PRKDC: variants seen among roughly 807,000 people sequenced by gnomAD.
The protein encoded by PRKDC is protein kinase, DNA-activated, catalytic subunit, also known as DNA-dependent protein kinase catalytic subunit.
Under a neutral mutation model 486.9 loss-of-function variants are expected in PRKDC, and 82 were observed. The ratio of observed to expected loss-of-function variants is 0.17; its 90% CI spans 0.14 to 0.20. The LOEUF is 0.20. Among genes scored for constraint, PRKDC ranks in the 10% least tolerant of loss-of-function variants. The probability of loss-of-function intolerance (pLI) is 1.00; values close to 1 mark genes in which losing one functional copy is unlikely to be tolerated. For synonymous variants in PRKDC, 1,895 were observed against 1,837.0 expected (o/e 1.03, Z -0.81); for missense variants, 4,504 against 5,038.2 (o/e 0.89, Z 3.21).
Position 47,960,105 on chromosome 8 carries a change from C to A in PRKDC, c.22G>T (p.Val8Leu). The change falls in exon 1 of 86, where the codon GTG becomes TTG. Residue 8 changes from valine (V) to leucine (L), a missense_variant. Around this residue, in one of 6 missense-constraint regions of PRKDC, gnomAD observed 145 missense variants for 136.3 expected, o/e 1.06. Coordinates refer to ENST00000314191, the MANE Select transcript of PRKDC (RefSeq NM_006904.7). ...TGCAGCCGCAGCAGGGAGCAACGCA[C>A]ACCGGCTCCGGAGCCCGCCATGCCG... is the stretch of plus-strand genomic sequence containing the variant. MAGSGAG[V>L]RCSLLRLQET... 6.6e-7 allele frequency: 1 copy of A among 1,511,796 alleles called. No individual in the cohort carries two copies. Among genetic ancestry groups the A allele is most frequent in the Non-Finnish European group, 8.8e-7 (1 of 1,134,690 alleles). The allele number at this position is 1,511,796 out of a possible 1,614,324, so 93.6% of individuals were successfully genotyped here. A position where few individuals can be genotyped will look rare whatever the true frequency, so the allele number is the denominator to read the frequency against.
chr8:47,930,161 T>C (rs896899951), intron 17 of PRKDC, 149 bp from the exon 18 acceptor site: 6 of 621,628 alleles, frequency 9.7e-6, no homozygotes, highest in Non-Finnish European at 1.6e-5. Flanking sequence ...ATAATCCATT[T>C]TTCTCTACCT....
At chr8:47,781,603 A>C (rs1296877405) in intron 80 of PRKDC, among the ~76,000 whole-genome samples, 2 of 152,204 alleles carry the variant, frequency 1.3e-5, no homozygotes, top group Non-Finnish European at 1.5e-5. Flanking sequence ...AATAAAAAAA[A>C]CCTTGTGGTT....
chr8:47,901,103 C>G (rs1276704518), intron 27 of PRKDC, among the ~76,000 whole-genome samples: 1 of 151,218 alleles, frequency 6.6e-6, no homozygotes, highest in Non-Finnish European at 1.5e-5. Context: ...GAGTCATGAT[C>G]CCCCCACTGC....
chr8:47,834,253 C>G lies in PRKDC; in HGVS notation c.8095G>C (p.Asp2699His), dbSNP rs1437212798. The G allele has an allele frequency of 1.2e-6, 2 of 1,614,012 alleles. No individual in the cohort carries two copies. Among genetic ancestry groups the G allele is most frequent in the Non-Finnish European group, 1.7e-6 (2 of 1,179,884 alleles). The change falls in exon 59 of 86, where the codon GAT (aspartate) becomes CAT (histidine). Residue 2699 changes from aspartate (D) to histidine (H), a missense_variant. Coordinates refer to ENST00000314191, the MANE Select transcript of PRKDC (RefSeq NM_006904.7). The part of the protein sequence containing the change: ...QRAPLKSVGP[D>H]FGKKRLGLPG... ...AGGCCCAGCCTTTTTTTCCCAAAAT[C>G]AGGCCCCACTGACTTCAAGGGTGCT...
In PRKDC at chr8:47,821,709, G is replaced by T. The variant is rs1009927021; in HGVS notation, c.9006C>A (p.Tyr3002Ter). The T allele has an allele frequency of 6.2e-7, 1 of 1,600,902 alleles. No homozygotes were observed. Among genetic ancestry groups the T allele is most frequent in the Non-Finnish European group, 8.5e-7 (1 of 1,173,148 alleles). Residue 3002 changes from tyrosine (Y) to a stop codon, truncating the protein, a stop_gained, in exon 65 of 86, where the codon TAC (tyrosine) becomes TAA (stop). Transcript: ENST00000314191. LOFTEE classifies it high-confidence loss of function. ...DFWELASLDC[Y>*]NHLAEWKSLE... ...GTGATTTCCACTCAGCAAGGTGGTT[G>T]TAACAGTCAAGGGATGCAAGTTCCC...
intron 10 of PRKDC, among the ~76,000 whole-genome samples, chr8:47,940,602 TA>T (rs2090428119): frequency 6.6e-6 from 1 of 152,254 alleles, no homozygotes; most frequent in Non-Finnish European, 1.5e-5. Context: ...AAACATATCA[TA>T]AATGTTTCTC....
At chr8:47,957,035 T>C in intron 3 of PRKDC, 136 bp downstream of exon 3, 1 of 420,054 alleles carries the variant, frequency 2.4e-6, no homozygotes. Flanking sequence ...TGTAACACAA[T>C]GAAGCAGAAA....
At chr8:47,857,664 C>A (rs1364028322) in intron 48 of PRKDC, among the ~76,000 whole-genome samples, 1 of 152,120 alleles carries the variant, frequency 6.6e-6, no homozygotes, top group Non-Finnish European at 1.5e-5. Flanking sequence ...TGATCTCAGG[C>A]CACGGCTGTC....
intron 23 of PRKDC, 111 bp from the exon 24 acceptor site, chr8:47,914,175 G>A (rs1208695663): frequency 2.2e-6 from 2 of 899,446 alleles, no homozygotes; most frequent in East Asian, 3.2e-5. Flanking sequence ...TTCTATTAAA[G>A]TGAAGCACTT....
chr8:47,937,046 G>A (rs538392466), intron 11 of PRKDC, among the ~76,000 whole-genome samples: 314 of 148,650 alleles, frequency 2.1e-3, no homozygotes, highest in African/African-American at 7.3e-3. Flanking sequence ...TTGAGGTCAC[G>A]AGTTTGAGAC....
At position 47,819,395 on chromosome 8, in the gene PRKDC, A is replaced by AC; in HGVS notation, c.9445+6_9445+7insG. 2 of 1,497,750 alleles carry AC rather than the reference A, an allele frequency of 1.3e-6. No homozygotes were observed. The highest frequency in any genetic ancestry group is 1.8e-6 in the Non-Finnish European group (2 of 1,114,690). 92.8% of individuals were successfully genotyped at this position (1,497,750 alleles called of 1,614,324 possible). ...AATGAAAAAAAAAGACCGATGAAAAAAATTACCTTGTTTGCTTATAAAGCT... is the reference window on the plus strand; with the variant it reads ...AATGAAAAAAAAAGACCGATGAAAAACAATTACCTTGTTTGCTTATAAAGCT... On this transcript the variant is annotated splice_region_variant and intron_variant, in intron 67 of 85. Coordinates refer to ENST00000314191, the MANE Select transcript of PRKDC (RefSeq NM_006904.7).
rs1215860518 is a variant in PRKDC, at chr8:47,817,483, G to A, written c.9524C>T (p.Pro3175Leu). 3.1e-6 allele frequency: 5 copies of A among 1,606,718 alleles called. No homozygotes were observed. The highest frequency in any genetic ancestry group is 1.1e-5 in the South Asian group (1 of 89,592). Reference sequence around the variant, plus strand: ...GATGATGTCATCCCAGATGTTCATTGGGTCCATTTTAGCATCTGGATATCT... The same window carrying A: ...GATGATGTCATCCCAGATGTTCATTAGGTCCATTTTAGCATCTGGATATCT... ...TNRYPDAKMDPMNIWDDIITN... is the reference protein window; with the variant it reads ...TNRYPDAKMDLMNIWDDIITN... Residue 3175 changes from proline (P) to leucine (L), a missense_variant, in exon 68 of 86, where the codon CCA (proline) becomes CTA (leucine). Physicochemically the swap from Pro to Leu is moderately conservative, Grantham distance 98. Coordinates refer to ENST00000314191, the MANE Select transcript of PRKDC (RefSeq NM_006904.7).
intron 63 of PRKDC, among the ~76,000 whole-genome samples, chr8:47,825,393 C>T (rs923881827): frequency 6.0e-5 from 9 of 150,664 alleles, no homozygotes; most frequent in Non-Finnish European, 1.0e-4. Context: ...CCTGTAATCC[C>T]AGCTACTTGG....
rs2090351076 is a variant in PRKDC, at chr8:47,936,334, C to T, written c.1278+19G>A. On this transcript the variant is annotated intron_variant, in intron 12 of 85. Coordinates refer to ENST00000314191, the MANE Select transcript of PRKDC (RefSeq NM_006904.7). The stretch of plus-strand genomic sequence containing the variant: ...TGAAGATTAAATACTTAAAATTGTG[C>T]TCAGTTTAGTTCACTTACTGTGTCA... 1 of 1,582,060 alleles carries T rather than the reference C, an allele frequency of 6.3e-7. No individual in the cohort carries two copies.
At chr8:47,778,683 C>A in intron 82 of PRKDC, 23 bp from the exon 83 acceptor site, 2 of 1,612,788 alleles carry the variant, frequency 1.2e-6, no homozygotes, top group South Asian at 1.1e-5. Context: ...CACAGCTGTG[C>A]GGCTGCTGTG....
At chr8:47,934,118 G>A (rs1443038845) in intron 14 of PRKDC, 28 bp from the exon 15 acceptor site, 2 of 1,588,804 alleles carry the variant, frequency 1.3e-6, no homozygotes, top group Admixed American at 1.8e-5. Flanking sequence ...ATGACAATAT[G>A]TAGTGATGGA....
Position 47,939,586 on chromosome 8 carries a change from A to G in PRKDC, c.1078T>C (p.Ser360Pro), listed in dbSNP as rs2090407820. Reference protein sequence around the residue: ...RNVDSNNKELSIAIRGYGLFA... With the variant: ...RNVDSNNKELPIAIRGYGLFA... ...AGTCCATATCCACGGATAGCAATAG[A>G]TAACTCCTTGTTGTTCGAATCCACA... The change falls in exon 11 of 86, where the codon TCT becomes CCT. Residue 360 changes from serine (S) to proline (P), a missense_variant. By Grantham distance (74) the Ser-to-Pro change is moderately conservative. Around this residue, in one of 6 missense-constraint regions of PRKDC, gnomAD observed 1,969 missense variants for 2,068.9 expected, o/e 0.95. Coordinates refer to ENST00000314191, the MANE Select transcript of PRKDC (RefSeq NM_006904.7). The G allele has an allele frequency of 4.3e-6, 7 of 1,613,776 alleles. No homozygotes were observed. The highest frequency in any genetic ancestry group is 5.9e-6 in the Non-Finnish European group (7 of 1,179,708).
At chr8:47,952,870 T>G (rs1421840717) in intron 7 of PRKDC, among the ~76,000 whole-genome samples, 2 of 152,110 alleles carry the variant, frequency 1.3e-5, no homozygotes, top group African/African-American at 4.8e-5. Flanking sequence ...CCGGGTGCGG[T>G]GGCTCATGCC....
intron 59 of PRKDC, among the ~76,000 whole-genome samples, 168 bp from the exon 60 acceptor site, chr8:47,832,094 T>C (rs1420522751): frequency 2.0e-5 from 3 of 152,158 alleles, no homozygotes; most frequent in Non-Finnish European, 1.5e-5. Flanking sequence ...TGCTCAGCAG[T>C]GGATTCAGCA....
Sources: gnomAD v4.1 joint callset for allele counts (sites outside exome capture counted in the v4.1 genomes callset) on GRCh38, gnomAD v4.1.1 for gene constraint, gnomAD v4.1.1 regional missense constraint, MANE v1.5 for transcripts, NCBI Gene and HGNC (gene_info 2026-07-23, HGNC 2026-07-21) for gene names.